DOCK9: variants seen among roughly 807,000 people sequenced by gnomAD.
DOCK9 encodes dedicator of cytokinesis protein 9.
Under a neutral mutation model 263.3 loss-of-function variants are expected in DOCK9, and 89 were observed. That is an observed-to-expected ratio of 0.34 (90% CI 0.28 to 0.40). The LOEUF (loss-of-function observed/expected upper bound fraction) is 0.40. DOCK9 is among the 10% of genes least tolerant of loss of function. DOCK9 has a pLI of 1.00. For synonymous variants in DOCK9, 976 were observed against 973.1 expected (o/e 1.00, Z -0.06); for missense variants, 2,140 against 2,603.4 (o/e 0.82, Z 3.87).
intron 45 of DOCK9, among the ~76,000 whole-genome samples, chr13:98,814,935 CAAAAT>C (rs66599481): frequency 0.079 from 10,270 of 130,712 alleles, 579 homozygotes; most frequent in African/African-American, 0.15. Flanking sequence ...GATTCTGTCT[CAAAAT>C]AAAATAAAAT....
At chr13:98,828,800 A>G (rs2092646801) in intron 43 of DOCK9, among the ~76,000 whole-genome samples, 1 of 152,306 alleles carries the variant, frequency 6.6e-6, no homozygotes, top group Non-Finnish European at 1.5e-5. Flanking sequence ...CTTGGATTCA[A>G]AGTCCAATAT....
chr13:98,884,032 G>A, intron 21 of DOCK9, 133 bp from the exon 22 acceptor site: 1 of 615,080 alleles, frequency 1.6e-6, no homozygotes, highest in South Asian at 2.2e-5. Context: ...ACTGTGCCGG[G>A]CCCATGGCAG....
chr13:98,849,203 G>A lies in DOCK9; in HGVS notation c.4014-564C>T, dbSNP rs60183901. On this transcript the variant is annotated intron_variant, in intron 36 of 52. Transcript: ENST00000682017. ...AATCTCGTTTCACCACATAACTCCC[G>A]CCTTTAACTCAGCAGAGGTCAGGAG... 3.6e-3 allele frequency among the ~76,000 whole-genome samples: 545 copies of A among 151,810 alleles called. 1 individual carries two copies. Among genetic ancestry groups the A allele is most frequent in the African/African-American group, 0.012 (503 of 41,352 alleles).
At chr13:98,877,407 T>A (rs1322767215) in intron 27 of DOCK9, among the ~76,000 whole-genome samples, 4 of 152,232 alleles carry the variant, frequency 2.6e-5, no homozygotes, top group Non-Finnish European at 5.9e-5. Context: ...ATTTTGAATA[T>A]CCTTGTATGT....
chr13:98,999,862 T>C (rs1055156052), intron 1 of DOCK9, among the ~76,000 whole-genome samples: 3 of 152,130 alleles, frequency 2.0e-5, no homozygotes, highest in Non-Finnish European at 2.9e-5. Context: ...GTCCAAAAGG[T>C]GGTTGAATGC....
intron 49 of DOCK9, among the ~76,000 whole-genome samples, chr13:98,801,048 G>A (rs887145958): frequency 6.6e-6 from 1 of 152,204 alleles, no homozygotes; most frequent in African/African-American, 2.4e-5. Flanking sequence ...GGAGGCCAAG[G>A]CTGGTAGATC....
chr13:98,985,284 C>T (rs190527702), intron 1 of DOCK9, among the ~76,000 whole-genome samples: 1 of 152,260 alleles, frequency 6.6e-6, no homozygotes, highest in East Asian at 1.9e-4. Flanking sequence ...TCATTAAAGA[C>T]AGCCCCACCC....
At chr13:98,978,457 G>A (rs1706403623), upstream of DOCK9, among the ~76,000 whole-genome samples, 1 of 152,160 alleles carries the variant, frequency 6.6e-6, no homozygotes, top group Non-Finnish European at 1.5e-5. Context: ...AGAGCTACCA[G>A]CAAGTATGTT....
chr13:99,050,356 T>C (rs1194438457), intron 1 of DOCK9, among the ~76,000 whole-genome samples: 1 of 152,160 alleles, frequency 6.6e-6, no homozygotes, highest in African/African-American at 2.4e-5. Context: ...CTGAATCAGC[T>C]ACAAACAGTA....
At chr13:98,947,881 T>C (rs1361332484) in intron 2 of DOCK9, among the ~76,000 whole-genome samples, 3 of 152,184 alleles carry the variant, frequency 2.0e-5, no homozygotes, top group African/African-American at 4.8e-5. Context: ...AACCACAATG[T>C]TCACAGAAAG....
chr13:98,930,011 C>T (rs1025950857), intron 3 of DOCK9, among the ~76,000 whole-genome samples, 157 bp downstream of exon 3: 2 of 152,190 alleles, frequency 1.3e-5, no homozygotes, highest in African/African-American at 4.8e-5. Flanking sequence ...GTCCAAGTTT[C>T]AGAGTCTGAA....
intron 1 of DOCK9, among the ~76,000 whole-genome samples, chr13:98,996,626 T>G (rs1169094412): frequency 6.6e-6 from 1 of 152,250 alleles, no homozygotes; most frequent in Non-Finnish European, 1.5e-5. Context: ...TGGCTTTGAA[T>G]GCAGCCCAAC....
chr13:98,923,667 G>GAATA (rs2052444181), intron 4 of DOCK9, among the ~76,000 whole-genome samples: 1 of 152,172 alleles, frequency 6.6e-6, no homozygotes, highest in Non-Finnish European at 1.5e-5. Flanking sequence ...AGACTTGGTA[G>GAATA]AATAACTTTT....
At chr13:98,949,956 G>T in intron 2 of DOCK9, 1 of 491,152 alleles carries the variant, frequency 2.0e-6, no homozygotes. Context: ...GTCTGTCAGA[G>T]GGATGGTCTC....
intron 48 of DOCK9, 88 bp from the exon 49 acceptor site, chr13:98,805,297 T>G: frequency 1.7e-6 from 2 of 1,188,160 alleles, no homozygotes; most frequent in Non-Finnish European, 2.4e-6. Context: ...AACATTTTAT[T>G]TGTAAATATA....
At chr13:99,040,723 C>G (rs1383859668) in intron 1 of DOCK9, among the ~76,000 whole-genome samples, 3 of 152,126 alleles carry the variant, frequency 2.0e-5, no homozygotes, top group Non-Finnish European at 4.4e-5. Context: ...TCCACGACAA[C>G]AGAGGGTGGA....
intron 18 of DOCK9, among the ~76,000 whole-genome samples, chr13:98,887,251 G>A (rs1300354343): frequency 6.8e-6 from 1 of 147,940 alleles, no homozygotes; most frequent in Non-Finnish European, 1.5e-5. Context: ...TAGACTGCCC[G>A]GGTTTGAATC....
In DOCK9 at chr13:98,859,751, G is replaced by GTATATATATATATATA. The variant is rs544974823; in HGVS notation, c.3697+653_3697+654insTATATATATATATATA. ...TGTTTGTGTGTGTGTGTGTGTGTGTGTGTATATATATATATATATATGTAA... is the reference window on the plus strand; with the variant it reads ...TGTTTGTGTGTGTGTGTGTGTGTGTGTATATATATATATATATGTATATATATATATATATATGTAA... On this transcript the variant is annotated intron_variant, in intron 33 of 52. Transcript: ENST00000682017. 1.5e-3 allele frequency: 205 copies of GTATATATATATATATA among 139,348 alleles called. 1 individual carries two copies. In the South Asian group the frequency reaches 0.018, roughly 12 times the overall value. 8.6% of individuals were successfully genotyped at this position (139,348 alleles called of 1,614,324 possible). A position where few individuals can be genotyped will look rare whatever the true frequency, so the allele number is the denominator to read the frequency against.
chr13:98,963,584 A>G (rs7988351), intron 1 of DOCK9, among the ~76,000 whole-genome samples: 81,822 of 152,140 alleles, frequency 0.54, 22,221 homozygotes, highest in East Asian at 0.75. Context: ...CTGAAATCCC[A>G]AATGCCACTT....
Sources: gnomAD v4.1 joint callset for allele counts (sites outside exome capture counted in the v4.1 genomes callset) on GRCh38, gnomAD v4.1.1 for gene constraint, MANE v1.5 for transcripts, NCBI Gene and HGNC (gene_info 2026-07-23, HGNC 2026-07-21) for gene names.